LUZP2: variants seen among roughly 807,000 people sequenced by gnomAD.
LUZP2 encodes leucine zipper protein 2.
In LUZP2, 52 loss-of-function variants were observed where a neutral mutation model predicts 51.6. That is an observed-to-expected ratio of 1.01 (90% CI 0.81 to 1.27). The LOEUF (loss-of-function observed/expected upper bound fraction) is 1.27, where lower values mean the gene tolerates loss of function less well. LUZP2 is among the 50% of genes most tolerant of loss of function. The pLI is 0.00. For synonymous variants in LUZP2, 154 were observed against 137.3 expected, an observed-to-expected ratio of 1.12 and a Z score of -0.85; for missense variants, 436 against 395.4, an observed-to-expected ratio of 1.10 and a Z score of -0.87.
chr11:24,760,368 A>T, intron 4 of LUZP2, among the ~76,000 whole-genome samples: 1 of 152,102 alleles, frequency 6.6e-6, no homozygotes, highest in East Asian at 1.9e-4. Flanking sequence ...GAGTCCATTC[A>T]GTTGATTAGG....
intron 1 of LUZP2, among the ~76,000 whole-genome samples, chr11:24,587,786 T>TA (rs1491534830): frequency 5.9e-5 from 9 of 151,944 alleles, no homozygotes; most frequent in Non-Finnish European, 1.3e-4. Flanking sequence ...CAGTTTTTTT[T>TA]AAAAAAAGTA....
intron 5 of LUZP2, among the ~76,000 whole-genome samples, chr11:24,854,627 C>T (rs962774911): frequency 4.8e-5 from 7 of 144,562 alleles, no homozygotes; most frequent in African/African-American, 1.0e-4. Flanking sequence ...GGGCAGTGAA[C>T]GATTCTGTCT....
chr11:24,546,872 G>T (rs1167437042), intron 1 of LUZP2, among the ~76,000 whole-genome samples: 2 of 151,780 alleles, frequency 1.3e-5, no homozygotes, highest in African/African-American at 4.8e-5. Context: ...TGTACATCTG[G>T]TATACAATTC....
At chr11:25,044,708 G>A (rs1281162905) in intron 9 of LUZP2, among the ~76,000 whole-genome samples, 1 of 115,516 alleles carries the variant, frequency 8.7e-6, no homozygotes, top group African/African-American at 3.1e-5. Context: ...TCCCATTACT[G>A]GGTATATACC....
chr11:24,819,326 G>A (rs951507205), intron 5 of LUZP2, among the ~76,000 whole-genome samples: 1 of 151,934 alleles, frequency 6.6e-6, no homozygotes, highest in South Asian at 2.1e-4. Flanking sequence ...TTTGTTGATG[G>A]GAAGATTTTG....
At chr11:24,564,955 T>C (rs1197609584) in intron 1 of LUZP2, among the ~76,000 whole-genome samples, 1 of 152,180 alleles carries the variant, frequency 6.6e-6, no homozygotes, top group African/African-American at 2.4e-5. Context: ...CTGGAAAAAC[T>C]GTACTAAAAC....
At chr11:24,583,796 C>T (rs956234618) in intron 1 of LUZP2, among the ~76,000 whole-genome samples, 15 of 151,402 alleles carry the variant, frequency 9.9e-5, no homozygotes, top group African/African-American at 2.9e-4. Flanking sequence ...CTCTGCCTTC[C>T]GGGTTCACAC....
At chr11:24,976,703 TAGCAAAA>T in intron 8 of LUZP2, 38 bp downstream of exon 8, 1 of 932,062 alleles carries the variant, frequency 1.1e-6, no homozygotes, top group Non-Finnish European at 1.4e-6. Context: ...ACTGTAGTTT[TAGCAAAA>T]AAAAAAAAAA....
chr11:24,934,349 A>G (rs1565129904), intron 7 of LUZP2, among the ~76,000 whole-genome samples: 1 of 152,172 alleles, frequency 6.6e-6, no homozygotes, highest in Non-Finnish European at 1.5e-5. Context: ...CATTCTAAAC[A>G]CATTTAGGTA....
chr11:24,672,903 G>A (rs570446439), intron 1 of LUZP2, among the ~76,000 whole-genome samples: 5 of 152,278 alleles, frequency 3.3e-5, no homozygotes, highest in South Asian at 2.1e-4. Flanking sequence ...AGCAGTGGGC[G>A]AGTGAGAATT....
At chr11:24,865,869 G>A (rs1851878178) in intron 5 of LUZP2, among the ~76,000 whole-genome samples, 1 of 151,606 alleles carries the variant, frequency 6.6e-6, no homozygotes, top group Non-Finnish European at 1.5e-5. Flanking sequence ...GAGTGCAGTG[G>A]CATGATCTTG....
chr11:25,001,082 G>A (rs1188592762), intron 9 of LUZP2, among the ~76,000 whole-genome samples: 2 of 152,148 alleles, frequency 1.3e-5, no homozygotes, highest in Non-Finnish European at 2.9e-5. Flanking sequence ...AAGATTAGAA[G>A]TTAGGATAAT....
intron 5 of LUZP2, among the ~76,000 whole-genome samples, chr11:24,826,708 G>A (rs898454000): frequency 8.6e-5 from 13 of 151,952 alleles, no homozygotes; most frequent in Admixed American, 6.6e-4. Flanking sequence ...GAGTTTCACT[G>A]AAGATATACT....
chr11:24,959,186 T>C (rs1224270098), intron 7 of LUZP2, among the ~76,000 whole-genome samples: 3 of 152,048 alleles, frequency 2.0e-5, no homozygotes, highest in East Asian at 1.9e-4. Flanking sequence ...AGTCAGGTAG[T>C]GTGATGCCTC....
intron 7 of LUZP2, among the ~76,000 whole-genome samples, chr11:24,948,500 G>C (rs1228691286): frequency 3.3e-5 from 5 of 151,664 alleles, no homozygotes; most frequent in Admixed American, 6.6e-5. Flanking sequence ...GAAGAGCAGG[G>C]CAGGGTTAGC....
chr11:24,825,906 C>T (rs1214724733), intron 5 of LUZP2, among the ~76,000 whole-genome samples: 1 of 151,750 alleles, frequency 6.6e-6, no homozygotes, highest in Non-Finnish European at 1.5e-5. Flanking sequence ...TAAAAGTTGG[C>T]CGAGCGCGAT....
At chr11:24,858,608 CTT>C (rs1425580435) in intron 5 of LUZP2, among the ~76,000 whole-genome samples, 4 of 152,128 alleles carry the variant, frequency 2.6e-5, no homozygotes, top group Non-Finnish European at 5.9e-5. Flanking sequence ...TGCAAAGAAA[CTT>C]AATAATCCAT....
intron 1 of LUZP2, among the ~76,000 whole-genome samples, chr11:24,667,050 C>T (rs969383449): frequency 6.6e-6 from 1 of 152,086 alleles, no homozygotes; most frequent in African/African-American, 2.4e-5. Context: ...CTTAGAGAAA[C>T]ATTCCTTAAA....
At chr11:25,009,589 C>T (rs1001696358) in intron 9 of LUZP2, among the ~76,000 whole-genome samples, 4 of 151,930 alleles carry the variant, frequency 2.6e-5, no homozygotes, top group Non-Finnish European at 4.4e-5. Context: ...AAGGGATCAC[C>T]ATGTCATTAT....
Sources: gnomAD v4.1 joint callset for allele counts (sites outside exome capture counted in the v4.1 genomes callset) on GRCh38, gnomAD v4.1.1 for gene constraint, MANE v1.5 for transcripts, NCBI Gene and HGNC (gene_info 2026-07-23, HGNC 2026-07-21) for gene names.